Variants in NMRK2 observed in about 807,000 individuals in gnomAD.
NMRK2 encodes NRK 2.
A neutral mutation model predicts 24.7 loss-of-function variants in NMRK2; 34 were observed. The observed-to-expected ratio is 1.37, with a 90% confidence interval of 1.05 to 1.83. The LOEUF is 1.83. Among genes scored for constraint, NMRK2 ranks in the 40% most tolerant of loss-of-function variants. The probability of loss-of-function intolerance (pLI) is 0.00; values close to 1 mark genes in which losing one functional copy is unlikely to be tolerated. For missense variants in NMRK2, 341 were observed against 315.0 expected, an observed-to-expected ratio of 1.08 and a Z score of -0.62; for synonymous variants, 145 against 125.6, an observed-to-expected ratio of 1.15 and a Z score of -1.03.
At chr19:3,938,824 T>TTTTTTTTTTG (rs2039268953) in intron 5 of NMRK2, 65 bp downstream of exon 5, 1 of 378,838 alleles carries the variant, frequency 2.6e-6, no homozygotes, top group African/African-American at 5.5e-5. Context: ...CATCTCTTGT[T>TTTTTTTTTTG]TTTTTTTTTT....
rs747937794 is a variant in NMRK2 at position 3,942,214 on chromosome 19, G to A, written c.634G>A (p.Gly212Arg). The change falls in exon 8 of 8, where the codon GGA (glycine) becomes AGA (arginine). Residue 212 changes from glycine (G) to arginine (R), a missense_variant. Coordinates refer to ENST00000168977, the MANE Select transcript of NMRK2 (RefSeq NM_170678.3). The stretch of plus-strand genomic sequence containing the variant: ...TCGCCCAGCCAGGACACAGGGACCC[G>A]GACGCGGATGCGGCCACAGAACGGC... ...PARPARTQGP[G>R]RGCGHRTARP... 2.9e-5 allele frequency: 47 copies of A among 1,612,674 alleles called. No individual in the cohort carries two copies. Among genetic ancestry groups the A allele is most frequent in the East Asian group, 6.7e-5 (3 of 44,872 alleles).
At chr19:3,933,830 C>A in intron 2 of NMRK2, 133 bp downstream of exon 2, 1 of 879,086 alleles carries the variant, frequency 1.1e-6, no homozygotes, top group Non-Finnish European at 1.6e-6. Context: ...GGTCAGAGTG[C>A]AGGGAGGATT....
At chr19:3,938,470 C>A in intron 4 of NMRK2, 133 bp from the exon 5 acceptor site, 1 of 664,488 alleles carries the variant, frequency 1.5e-6, no homozygotes, top group Non-Finnish European at 2.3e-6. Context: ...CCACTGTCCC[C>A]CCGGGGTCCA....
chr19:3,936,534 G>A (rs565276519), intron 2 of NMRK2, 41 bp from the exon 3 acceptor site: 2 of 1,467,084 alleles, frequency 1.4e-6, no homozygotes, highest in African/African-American at 1.4e-5. Context: ...GACCTTCTTG[G>A]GGGGAGCCCA....
At chr19:3,938,879 G>A in intron 5 of NMRK2, 120 bp downstream of exon 5, 2 of 756,338 alleles carry the variant, frequency 2.6e-6, no homozygotes, top group East Asian at 3.6e-5. Context: ...CAAGAGTTTT[G>A]CTCTTGTTGC....
chr19:3,939,469 G>C (rs927996980), intron 5 of NMRK2, among the ~76,000 whole-genome samples: 2 of 151,826 alleles, frequency 1.3e-5, no homozygotes, highest in Non-Finnish European at 2.9e-5. Flanking sequence ...AGCCGAGATC[G>C]CACCACTGCA....
chr19:3,937,243 C>A lies in NMRK2; in HGVS notation c.121C>A (p.Gln41Lys). ...GGTTCAGGCTCCTCTGTTTCAGCCC[C>A]AAGACCAAATAGCAGTTGGGGAAGA... The part of the protein sequence containing the change: ...VIHQDDFFKP[Q>K]DQIAVGEDGF... The change falls in exon 4 of 8, where the codon CAA becomes AAA. Residue 41 changes from glutamine (Q) to lysine (K), a missense_variant. By Grantham distance (53) the Gln-to-Lys change is moderately conservative. Transcript: ENST00000168977. 1 of 1,613,320 alleles carries A rather than the reference C, an allele frequency of 6.2e-7. No homozygotes were observed. Among genetic ancestry groups the A allele is most frequent in the Non-Finnish European group, 8.5e-7 (1 of 1,179,544 alleles).
chr19:3,939,277 C>T (rs1046419240), intron 5 of NMRK2, among the ~76,000 whole-genome samples: 24 of 150,838 alleles, frequency 1.6e-4, no homozygotes, highest in Middle Eastern at 6.8e-3. Context: ...CTTTGGGAGG[C>T]CAAGATGGAT....
Position 3,942,377 on chromosome 19 carries a change from C to A in NMRK2, c.*104C>A. On this transcript the variant is annotated 3_prime_UTR_variant, in exon 8 of 8. Coordinates refer to ENST00000168977, the MANE Select transcript of NMRK2 (RefSeq NM_170678.3). ...GAGCCCCAAGACGCCTCTGTAACCT[C>A]GCTGCAGCTTCAGTAGTAAACTGGG... is the stretch of plus-strand genomic sequence containing the variant. The A allele has an allele frequency of 3.0e-6, 3 of 995,554 alleles. No individual in the cohort carries two copies. The highest frequency in any genetic ancestry group is 4.4e-6 in the Non-Finnish European group (3 of 684,814). 61.7% of individuals were successfully genotyped at this position (995,554 alleles called of 1,614,324 possible).
intron 5 of NMRK2, 55 bp from the exon 6 acceptor site, chr19:3,939,845 C>T (rs2039295934): frequency 2.0e-6 from 3 of 1,511,630 alleles, no homozygotes; most frequent in Non-Finnish European, 2.7e-6. Flanking sequence ...GATATTTTGA[C>T]TGCGGTTGAA....
At chr19:3,941,294 G>A (rs1335720012) in intron 7 of NMRK2, 117 bp downstream of exon 7, 5 of 593,182 alleles carry the variant, frequency 8.4e-6, no homozygotes, top group Middle Eastern at 9.1e-4. Flanking sequence ...CTGTCACCCA[G>A]GCTGGAGTAC....
chr19:3,940,964 CAG>C, intron 6 of NMRK2, 105 bp from the exon 7 acceptor site: 1 of 699,024 alleles, frequency 1.4e-6, no homozygotes, highest in Admixed American at 2.4e-5. Context: ...TCCCCTTGCT[CAG>C]AGGTTCTGTC....
At chr19:3,940,517 C>T (rs541774227) in intron 6 of NMRK2, among the ~76,000 whole-genome samples, 8 of 151,366 alleles carry the variant, frequency 5.3e-5, no homozygotes, top group Non-Finnish European at 8.8e-5. Context: ...GGGCGGATCA[C>T]CTGAGGTCAG....
chr19:3,941,672 T>C (rs1040449400), intron 7 of NMRK2, among the ~76,000 whole-genome samples: 2 of 151,530 alleles, frequency 1.3e-5, no homozygotes, highest in African/African-American at 2.4e-5. Context: ...AGACGGAGTC[T>C]TGTTCTGTCG....
rs761554532 is a variant in NMRK2, at chr19:3,939,987, G to A, written c.395+16G>A. 6 of 1,608,234 alleles carry A rather than the reference G, an allele frequency of 3.7e-6. No homozygotes were observed. Among genetic ancestry groups the A allele is most frequent in the East Asian group, 4.5e-5 (2 of 44,816 alleles). On this transcript the variant is annotated intron_variant, in intron 6 of 7. Transcript: ENST00000168977. ...GGAGGAGAAGGTGCACTTGGTGTCT[G>A]GGGGTGCGGTGGGCTCCTGAGGGCC...
At chr19:3,935,026 G>T (rs2039190578) in intron 2 of NMRK2, among the ~76,000 whole-genome samples, 1 of 151,956 alleles carries the variant, frequency 6.6e-6, no homozygotes, top group African/African-American at 2.4e-5. Context: ...ATTAATACCT[G>T]GGGGCTTACA....
At chr19:3,939,849 G>T in intron 5 of NMRK2, 51 bp from the exon 6 acceptor site, 2 of 1,525,946 alleles carry the variant, frequency 1.3e-6, no homozygotes, top group South Asian at 1.1e-5. Context: ...TTTTGACTGC[G>T]GTTGAAGGAA....
At chr19:3,934,034 G>A (rs1599157605) in intron 2 of NMRK2, among the ~76,000 whole-genome samples, 1 of 152,134 alleles carries the variant, frequency 6.6e-6, no homozygotes, top group African/African-American at 2.4e-5. Context: ...GATCACCTGA[G>A]GTCAGGAATT....
At chr19:3,937,132 C>A in intron 3 of NMRK2, 108 bp from the exon 4 acceptor site, 2 of 1,073,904 alleles carry the variant, frequency 1.9e-6, no homozygotes, top group Non-Finnish European at 2.8e-6. Flanking sequence ...CCCCACGCCT[C>A]AGGGACCTCA....
Sources: allele counts gnomAD v4.1 joint callset (sites outside exome capture counted in the v4.1 genomes callset), GRCh38; gene constraint gnomAD v4.1.1; transcripts MANE v1.5; gene names NCBI Gene and HGNC (gene_info 2026-07-23, HGNC 2026-07-21).